The following GK5 variants were observed in gnomAD, a reference collection of about 807,000 sequenced individuals.
GK5 encodes ATP:glycerol 3-phosphotransferase 5.
In GK5, 39 loss-of-function variants were observed where a neutral mutation model predicts 77.3. The observed-to-expected ratio is 0.50, with a 90% CI of 0.39 to 0.66. The LOEUF is 0.66. Among genes scored for constraint, GK5 ranks in the 30% least tolerant of loss-of-function variants. GK5 has a pLI of 0.00. For missense variants in GK5, 487 were observed against 633.8 expected (o/e 0.77, Z 2.49); for synonymous variants, 211 against 208.0 (o/e 1.01, Z -0.13).
At chr3:142,184,893 T>C (rs989642976) in intron 9 of GK5, 15 of 985,516 alleles carry the variant, frequency 1.5e-5, no homozygotes, top group African/African-American at 3.5e-5. Flanking sequence ...CTGTCACTAA[T>C]TGGTAACTCT....
chr3:142,169,665 T>C (rs1219636336), intron 15 of GK5, among the ~76,000 whole-genome samples: 1 of 147,840 alleles, frequency 6.8e-6, no homozygotes, highest in Non-Finnish European at 1.5e-5. Context: ...CCCACCTTAC[T>C]GTTCTTTTTT....
intron 5 of GK5, among the ~76,000 whole-genome samples, chr3:142,193,876 G>C (rs2063890941): frequency 1.3e-5 from 2 of 152,040 alleles, no homozygotes; most frequent in South Asian, 4.2e-4. Flanking sequence ...ACATAGCTGG[G>C]ATTACAGGAG....
intron 12 of GK5, among the ~76,000 whole-genome samples, chr3:142,175,837 TATTATTATATAATATATATA>T (rs201063004): frequency 0.018 from 2,702 of 148,076 alleles, 37 homozygotes; most frequent in Middle Eastern, 0.036. Flanking sequence ...TTTATATTAT[TATTATTATATAATATATATA>T]ATTATTATAT....
At chr3:142,220,240 C>A (rs560541357) in intron 1 of GK5, among the ~76,000 whole-genome samples, 92 of 152,242 alleles carry the variant, frequency 6.0e-4, no homozygotes, top group Non-Finnish European at 9.0e-4. Context: ...CGGGTTCACA[C>A]TTCTCCTGCC....
chr3:142,177,220 T>C (rs1260440888), intron 12 of GK5, among the ~76,000 whole-genome samples: 1 of 152,106 alleles, frequency 6.6e-6, no homozygotes, highest in South Asian at 2.1e-4. Context: ...TGCCAACTCT[T>C]AGGTTCCACA....
chr3:142,211,787 C>G (rs2064191477), intron 3 of GK5, among the ~76,000 whole-genome samples: 1 of 152,124 alleles, frequency 6.6e-6, no homozygotes, highest in African/African-American at 2.4e-5. Context: ...AAGTGAAGAC[C>G]TCATCCCCCA....
chr3:142,220,955 A>G (rs568488817), intron 1 of GK5, among the ~76,000 whole-genome samples: 11 of 152,316 alleles, frequency 7.2e-5, no homozygotes, highest in African/African-American at 2.4e-4. Flanking sequence ...AAGAGAACGT[A>G]AGAGATTTAT....
chr3:142,202,550 A>AT (rs2064042195), intron 4 of GK5, among the ~76,000 whole-genome samples: 1 of 152,152 alleles, frequency 6.6e-6, no homozygotes, highest in Non-Finnish European at 1.5e-5. Flanking sequence ...GTTTGTATAA[A>AT]TTTTTTTGCT....
chr3:142,166,326 C>A (rs1275527021), intron 15 of GK5, among the ~76,000 whole-genome samples: 1 of 151,962 alleles, frequency 6.6e-6, no homozygotes, highest in Admixed American at 6.6e-5. Context: ...TAAATGAAGA[C>A]AAATTAAGAT....
rs1444328821 is a variant in GK5 at position 142,170,366 on chromosome 3, A to G, written c.1400T>C (p.Met467Thr). ...TAGAGAAGCTGCACCCAGGCATGAC[A>G]TGTCAATGTCGGCAGGTCTGTCTAT... ...ENIDRPADID[M>T]SCLGAASLAG... Residue 467 changes from methionine (M) to threonine (T), a missense_variant, in exon 15 of 16, where the codon ATG (methionine) becomes ACG (threonine). Met to Thr is a moderately conservative substitution (Grantham distance 81, BLOSUM62 -1). Coordinates refer to ENST00000392993, the MANE Select transcript of GK5 (RefSeq NM_001039547.3). 5 of 1,614,112 alleles carry G rather than the reference A, an allele frequency of 3.1e-6. No homozygotes were observed. The highest frequency in any genetic ancestry group is 4.2e-6 in the Non-Finnish European group (5 of 1,180,002).
intron 15 of GK5, 29 bp downstream of exon 15, chr3:142,170,296 A>C: frequency 6.2e-7 from 1 of 1,610,416 alleles, no homozygotes; most frequent in Non-Finnish European, 8.5e-7. Context: ...TTGCAAGAAA[A>C]CTCTCATTCT....
Position 142,186,295 on chromosome 3 carries a change from A to G in GK5, c.682-28T>C, listed in dbSNP as rs532939410. On this transcript the variant is annotated intron_variant, in intron 7 of 15. Coordinates refer to ENST00000392993, the MANE Select transcript of GK5 (RefSeq NM_001039547.3). ...GAGCATAAAAACGTATCATCAGAAT[A>G]TACATATTTACATATATCAAACCTC... 1.3e-4 allele frequency: 178 copies of G among 1,417,594 alleles called. 1 individual carries two copies. In the South Asian group the frequency reaches 2.0e-3, roughly 16 times the overall value. 87.8% of individuals were successfully genotyped at this position (1,417,594 alleles called of 1,614,324 possible).
At chr3:142,211,209 T>C (rs749953852) in intron 3 of GK5, among the ~76,000 whole-genome samples, 34 of 152,294 alleles carry the variant, frequency 2.2e-4, no homozygotes, top group Non-Finnish European at 4.0e-4. Flanking sequence ...GCTGGGGTGC[T>C]ACTGACATCT....
intron 5 of GK5, among the ~76,000 whole-genome samples, chr3:142,195,030 AG>A (rs1214687129): frequency 6.6e-6 from 1 of 151,918 alleles, no homozygotes; most frequent in Non-Finnish European, 1.5e-5. Flanking sequence ...ATCAGGTTGA[AG>A]GAGTTTCCTT....
chr3:142,165,922 A>G, intron 15 of GK5, 152 bp from the exon 16 acceptor site: 2 of 553,228 alleles, frequency 3.6e-6, no homozygotes, highest in Non-Finnish European at 6.2e-6. Flanking sequence ...ATTTTGTTAG[A>G]TCGATCATTC....
chr3:142,205,433 T>C (rs967585331), intron 3 of GK5, among the ~76,000 whole-genome samples: 2 of 152,248 alleles, frequency 1.3e-5, no homozygotes, highest in East Asian at 1.9e-4. Context: ...ACCTGAACCA[T>C]GTTCAATTGC....
Position 142,158,753 on chromosome 3 carries a change from T to C in GK5, c.*6869A>G, listed in dbSNP as rs921546117. ...ATTAACAAAATCATTCTGAAACCTTTACACAAATCAGCCTGCTTTAAATAA... is the reference window on the plus strand; with the variant it reads ...ATTAACAAAATCATTCTGAAACCTTCACACAAATCAGCCTGCTTTAAATAA... On this transcript the variant is annotated 3_prime_UTR_variant, in exon 16 of 16. Coordinates refer to ENST00000392993, the MANE Select transcript of GK5 (RefSeq NM_001039547.3). The C allele has an allele frequency of 2.0e-5, 3 of 152,568 alleles. No individual in the cohort carries two copies. Among genetic ancestry groups the C allele is most frequent in the Admixed American group, 1.3e-4 (2 of 15,280 alleles). The allele number at this position is 152,568 out of a possible 1,614,324, so 9.5% of individuals were successfully genotyped here.
At chr3:142,172,177 A>G (rs1484166061) in intron 13 of GK5, among the ~76,000 whole-genome samples, 176 bp downstream of exon 13, 6 of 152,192 alleles carry the variant, frequency 3.9e-5, no homozygotes, top group Admixed American at 3.9e-4. Flanking sequence ...AAGAAAAAAT[A>G]AGAAAGATAC....
At chr3:142,189,753 C>T (rs1292359403) in intron 5 of GK5, among the ~76,000 whole-genome samples, 1 of 152,100 alleles carries the variant, frequency 6.6e-6, no homozygotes, top group African/African-American at 2.4e-5. Flanking sequence ...AGGACCGGCT[C>T]TCATAGGAAC....
Sources: gnomAD v4.1 joint callset for allele counts (sites outside exome capture counted in the v4.1 genomes callset) on GRCh38, gnomAD v4.1.1 for gene constraint, MANE v1.5 for transcripts, NCBI Gene and HGNC (gene_info 2026-07-23, HGNC 2026-07-21) for gene names.